Variants in ZNF423 observed in about 807,000 individuals in gnomAD.
The protein encoded by ZNF423 is zinc finger protein 423.
Under a neutral mutation model 95.8 loss-of-function variants are expected in ZNF423, and 12 were observed. The observed-to-expected ratio is 0.13, with a 90% confidence interval of 0.08 to 0.20. The LOEUF is 0.20. Ranked by LOEUF, ZNF423 falls within the 10% of genes least tolerant of loss-of-function variation. The pLI is 1.00. For synonymous variants in ZNF423, 749 were observed against 711.9 expected (o/e 1.05, Z -0.83); for missense variants, 1,316 against 1,737.1 (o/e 0.76, Z 4.31).
chr16:49,775,893 C>G (rs2034111886), intron 2 of ZNF423, among the ~76,000 whole-genome samples: 1 of 152,226 alleles, frequency 6.6e-6, no homozygotes, highest in African/African-American at 2.4e-5. Context: ...GTTTGGTAAA[C>G]CTAACGCTAA....
intron 1 of ZNF423, chr16:49,854,344 G>A: frequency 1.0e-6 from 1 of 985,420 alleles, no homozygotes; most frequent in Non-Finnish European, 1.2e-6. Context: ...GTCCCTCCGG[G>A]GACTTCAGGA....
intron 3 of ZNF423, among the ~76,000 whole-genome samples, chr16:49,721,515 C>T (rs1289426057): frequency 2.6e-5 from 4 of 152,044 alleles, no homozygotes; most frequent in African/African-American, 4.8e-5. Context: ...AGGAGGACAC[C>T]GGAAGCTTTG....
At chr16:49,782,922 G>A (rs1012558320) in intron 2 of ZNF423, among the ~76,000 whole-genome samples, 11 of 148,262 alleles carry the variant, frequency 7.4e-5, no homozygotes, top group Non-Finnish European at 1.2e-4. Context: ...CCAGGAGTTC[G>A]AGACCAACCT....
At chr16:49,560,569 T>A (rs981843830) in intron 5 of ZNF423, among the ~76,000 whole-genome samples, 37 of 152,322 alleles carry the variant, frequency 2.4e-4, no homozygotes, top group African/African-American at 8.2e-4. Context: ...TGGTCTGGGC[T>A]TCGTGCTATC....
chr16:49,822,286 G>A (rs568602580), intron 1 of ZNF423, among the ~76,000 whole-genome samples: 10 of 151,662 alleles, frequency 6.6e-5, no homozygotes, highest in East Asian at 5.8e-4. Context: ...TGATTCTCAC[G>A]CCTCAGCCTC....
chr16:49,667,067 C>A (rs1275720974), intron 3 of ZNF423, among the ~76,000 whole-genome samples: 1 of 152,228 alleles, frequency 6.6e-6, no homozygotes, highest in Non-Finnish European at 1.5e-5. Flanking sequence ...CTTGGGTGCT[C>A]AGCCCACAGG....
intron 5 of ZNF423, among the ~76,000 whole-genome samples, chr16:49,549,354 G>T (rs1186056997): frequency 6.6e-6 from 1 of 152,190 alleles, no homozygotes; most frequent in Non-Finnish European, 1.5e-5. Flanking sequence ...GCAGACAAAG[G>T]TCCCATCCGG....
intron 1 of ZNF423, among the ~76,000 whole-genome samples, chr16:49,837,294 G>C (rs1215699227): frequency 2.6e-5 from 4 of 152,146 alleles, no homozygotes. Context: ...GGCTGTGTGA[G>C]CCAGGGCAAG....
chr16:49,521,588 C>T (rs893696311), intron 7 of ZNF423, among the ~76,000 whole-genome samples: 4 of 152,164 alleles, frequency 2.6e-5, no homozygotes, highest in African/African-American at 9.7e-5. Flanking sequence ...TGGTAAGGGT[C>T]ACTAGCTCAG....
intron 2 of ZNF423, among the ~76,000 whole-genome samples, chr16:49,767,898 G>A (rs750041931): frequency 2.0e-5 from 3 of 152,214 alleles, no homozygotes; most frequent in Non-Finnish European, 2.9e-5. Context: ...CCAGGCTTAC[G>A]TCGGGTCCTC....
chr16:49,832,959 C>T lies in ZNF423; in HGVS notation c.40+22776G>A, dbSNP rs533724978. ...AATGTTGATTTCTTTCTTTCAAACA[C>T]AGCGCAAGCCAATCAAAACACATCT... is the stretch of plus-strand genomic sequence containing the variant. On this transcript the variant is annotated intron_variant, in intron 1 of 7. Transcript: ENST00000563137. Among the ~76,000 whole-genome samples the T allele has an allele frequency of 2.2e-4, 33 of 152,382 alleles. No individual in the cohort carries two copies. In the South Asian group the frequency reaches 6.8e-3, roughly 32 times the overall value.
intron 2 of ZNF423, among the ~76,000 whole-genome samples, chr16:49,740,178 T>A (rs2033384846): frequency 6.6e-6 from 1 of 152,088 alleles, no homozygotes; most frequent in African/African-American, 2.4e-5. Flanking sequence ...CATTTCTTTT[T>A]CATTAAAAAA....
chr16:49,590,652 C>G (rs1970985185), intron 5 of ZNF423, among the ~76,000 whole-genome samples: 1 of 152,180 alleles, frequency 6.6e-6, no homozygotes, highest in African/African-American at 2.4e-5. Flanking sequence ...TCCTCGATTT[C>G]TCTTCCCCTG....
Position 49,620,586 on chromosome 16 carries a change from C to T in ZNF423, c.3601+5584G>A, listed in dbSNP as rs185999367. On this transcript the variant is annotated intron_variant, in intron 5 of 7. Coordinates refer to ENST00000563137, the MANE Select transcript of ZNF423 (RefSeq NM_001379286.1). ...AGAGTCCACAGCCACTTTCCAAGGA[C>T]AGCAAGGGCAAGCGTTCCTGACAAG... Among the ~76,000 whole-genome samples the T allele has an allele frequency of 9.2e-5, 14 of 152,302 alleles. No homozygotes were observed. The East Asian group carries it at 2.3e-3, about 25-fold the overall frequency.
Position 49,698,199 on chromosome 16 carries a change from A to AT in ZNF423, c.301+32571dup, listed in dbSNP as rs199525096. Among the ~76,000 whole-genome samples the AT allele has an allele frequency of 1.2e-3, 187 of 151,382 alleles. 2 individuals carry two copies. Among genetic ancestry groups the AT allele is most frequent in the African/African-American group, 3.4e-3 (142 of 41,288 alleles). The stretch of plus-strand genomic sequence containing the variant: ...TTTTTCTGACTTGTTTGTTTGTAAC[A>AT]TTTTTTTTTAAACCAGGTCTCTAAT... On this transcript the variant is annotated intron_variant, in intron 3 of 7. Transcript: ENST00000563137.
chr16:49,626,460 C>G (rs1567512153), intron 4 of ZNF423, among the ~76,000 whole-genome samples: 1 of 152,036 alleles, frequency 6.6e-6, no homozygotes, highest in African/African-American at 2.4e-5. Flanking sequence ...TCCAAGGGAG[C>G]TGCTTCTCTG....
chr16:49,593,536 C>G (rs750619015), intron 5 of ZNF423, among the ~76,000 whole-genome samples: 2 of 152,140 alleles, frequency 1.3e-5, no homozygotes, highest in Non-Finnish European at 2.9e-5. Flanking sequence ...GTCTGGCGGA[C>G]AGGGTTTGCA....
At chr16:49,556,372 T>C (rs1306944281) in intron 5 of ZNF423, among the ~76,000 whole-genome samples, 1 of 152,164 alleles carries the variant, frequency 6.6e-6, no homozygotes, top group Non-Finnish European at 1.5e-5. Flanking sequence ...AGATGCCCCT[T>C]CTCAGAGCTC....
intron 2 of ZNF423, among the ~76,000 whole-genome samples, chr16:49,747,893 G>C (rs554309701): frequency 6.6e-6 from 1 of 152,348 alleles, no homozygotes; most frequent in Non-Finnish European, 1.5e-5. Context: ...CCAGCCCTGT[G>C]CTCCTTCCCT....
Sources: gnomAD v4.1 joint callset for allele counts (sites outside exome capture counted in the v4.1 genomes callset) on GRCh38, gnomAD v4.1.1 for gene constraint, MANE v1.5 for transcripts, NCBI Gene and HGNC (gene_info 2026-07-23, HGNC 2026-07-21) for gene names.